The following GABRA4 variants were observed in gnomAD, a reference collection of about 807,000 sequenced individuals.
The protein encoded by GABRA4 is gamma-aminobutyric acid type A receptor subunit alpha4.
A neutral mutation model predicts 49.7 loss-of-function variants in GABRA4; 12 were observed. That is an observed-to-expected ratio of 0.24 (90% CI 0.15 to 0.39). The LOEUF is 0.39. GABRA4 is among the 10% of genes least tolerant of loss of function. The pLI is 1.00. For missense variants in GABRA4, 506 were observed against 686.0 expected (o/e 0.74, Z 2.93); for synonymous variants, 288 against 240.2 (o/e 1.20, Z -1.84).
At chr4:46,931,440 G>A (rs1362892375) in intron 8 of GABRA4, among the ~76,000 whole-genome samples, 2 of 152,032 alleles carry the variant, frequency 1.3e-5, no homozygotes, top group Admixed American at 6.6e-5. Context: ...AAGTTCTTTC[G>A]TTCTAGACCA....
chr4:46,945,167 G>A (rs1238489489), intron 8 of GABRA4, among the ~76,000 whole-genome samples: 2 of 152,072 alleles, frequency 1.3e-5, no homozygotes, highest in African/African-American at 4.8e-5. Context: ...TACTTCCTGG[G>A]CCATGATAGT....
At chr4:46,969,774 T>A (rs1054445992) in intron 7 of GABRA4, among the ~76,000 whole-genome samples, 6 of 151,458 alleles carry the variant, frequency 4.0e-5, no homozygotes, top group Admixed American at 2.0e-4. Flanking sequence ...AAACCTAGAC[T>A]TGCTGACACC....
At chr4:46,975,897 T>C (rs1038184956) in intron 5 of GABRA4, among the ~76,000 whole-genome samples, 1 of 152,004 alleles carries the variant, frequency 6.6e-6, no homozygotes, top group African/African-American at 2.4e-5. Flanking sequence ...TAATACTCTC[T>C]GGCTTCAAGT....
chr4:46,985,222 C>G (rs756774659), intron 2 of GABRA4, among the ~76,000 whole-genome samples: 4 of 151,898 alleles, frequency 2.6e-5, no homozygotes, highest in African/African-American at 4.8e-5. Flanking sequence ...AAAATAAAGA[C>G]AGTCAACCTA....
chr4:46,978,914 G>A (rs1041050035), intron 3 of GABRA4, 117 bp downstream of exon 3: 3 of 707,882 alleles, frequency 4.2e-6, no homozygotes, highest in Non-Finnish European at 7.6e-6. Flanking sequence ...AGTTTAATTA[G>A]GGATTCTTTA....
chr4:46,941,638 G>A (rs1033022556), intron 8 of GABRA4, among the ~76,000 whole-genome samples: 4 of 151,926 alleles, frequency 2.6e-5, no homozygotes, highest in South Asian at 4.1e-4. Context: ...TTTTTCAACC[G>A]AACTAAATGA....
At chr4:46,959,852 ATG>A (rs1722509776) in intron 8 of GABRA4, among the ~76,000 whole-genome samples, 2 of 139,884 alleles carry the variant, frequency 1.4e-5, no homozygotes, top group Non-Finnish European at 1.6e-5. Context: ...GTGTGTGTGT[ATG>A]TGTGTGTGTG....
Position 46,928,068 on chromosome 4 carries a change from GAATT to G in GABRA4, c.*153_*156del, listed in dbSNP as rs1451308162. On this transcript the variant is annotated 3_prime_UTR_variant, in exon 9 of 9. Coordinates refer to ENST00000264318, the MANE Select transcript of GABRA4 (RefSeq NM_000809.4). ...AAACATAGTTCACTTTTTCACTCAGGAATTAATTAACTCTCCCAATAACTGGCTT... is the reference window on the plus strand; with the variant it reads ...AAACATAGTTCACTTTTTCACTCAGGAATTAACTCTCCCAATAACTGGCTT... 4 of 610,690 alleles carry G rather than the reference GAATT, an allele frequency of 6.5e-6. No homozygotes were observed. The highest frequency in any genetic ancestry group is 5.7e-5 in the African/African-American group (3 of 53,000). 37.8% of individuals were successfully genotyped at this position (610,690 alleles called of 1,614,324 possible).
In GABRA4 at chr4:46,965,053, C is replaced by T. The variant is rs182887885; in HGVS notation, c.1051G>A (p.Ala351Thr). Residue 351 changes from alanine (A) to threonine (T), a missense_variant, in exon 8 of 9, where the codon GCC becomes ACC. By Grantham distance (58) the Ala-to-Thr change is moderately conservative (BLOSUM62 0). Transcript: ENST00000264318. ...GGGGGCTTTGATGTCTTCCTTTTGG[C>T]TTTTTCCATTTGAATATTGGTGAAA... ...NYFTNIQMEK[A>T]KRKTSKPPQE... 268 of 1,612,008 alleles carry T rather than the reference C, an allele frequency of 1.7e-4. No homozygotes were observed. In the East Asian group the frequency reaches 4.4e-3, roughly 26 times the overall value.
At chr4:46,939,777 A>C (rs867039334) in intron 8 of GABRA4, among the ~76,000 whole-genome samples, 3 of 151,990 alleles carry the variant, frequency 2.0e-5, no homozygotes, top group Non-Finnish European at 2.9e-5. Flanking sequence ...TGTATCTCAC[A>C]AAAAATTTTC....
chr4:46,921,957 G>A lies in GABRA4; in HGVS notation c.*6268C>T, dbSNP rs1721049597. 1 of 152,002 alleles carries A rather than the reference G, an allele frequency of 6.6e-6. No individual in the cohort carries two copies. Among genetic ancestry groups the A allele is most frequent in the African/African-American group, 2.4e-5 (1 of 41,394 alleles). 9.4% of individuals were successfully genotyped at this position (152,002 alleles called of 1,614,324 possible). A position where few individuals can be genotyped will look rare whatever the true frequency, so the allele number is the denominator to read the frequency against. On this transcript the variant is annotated 3_prime_UTR_variant, in exon 9 of 9. Coordinates refer to ENST00000264318, the MANE Select transcript of GABRA4 (RefSeq NM_000809.4). ...TCAATAAGTATCATTATCCTGCGAT[G>A]TTTCAAACAAAGATGGTTTGTTTGA...
At chr4:46,933,357 A>T (rs1320418612) in intron 8 of GABRA4, among the ~76,000 whole-genome samples, 1 of 152,140 alleles carries the variant, frequency 6.6e-6, no homozygotes, top group Non-Finnish European at 1.5e-5. Context: ...TTTCTATGGG[A>T]CACATCTTTA....
chr4:46,954,008 T>G (rs1297518322), intron 8 of GABRA4, among the ~76,000 whole-genome samples: 1 of 151,930 alleles, frequency 6.6e-6, no homozygotes, highest in South Asian at 2.1e-4. Flanking sequence ...GACCTTTCTG[T>G]GCCTCAATTT....
chr4:46,963,065 G>C (rs6856763), intron 8 of GABRA4, among the ~76,000 whole-genome samples: 14,893 of 151,704 alleles, frequency 0.098, 855 homozygotes, highest in South Asian at 0.24. Context: ...TACCTTAGAA[G>C]CATGGCAACC....
chr4:46,935,653 A>G (rs886788014), intron 8 of GABRA4, among the ~76,000 whole-genome samples: 2 of 151,802 alleles, frequency 1.3e-5, no homozygotes, highest in African/African-American at 4.8e-5. Flanking sequence ...GGAACATCAT[A>G]CACTAGGGCC....
intron 8 of GABRA4, among the ~76,000 whole-genome samples, chr4:46,956,457 T>C (rs904078046): frequency 6.6e-6 from 1 of 152,088 alleles, no homozygotes; most frequent in Non-Finnish European, 1.5e-5. Context: ...TTATATACCC[T>C]TTAGGAATGG....
intron 8 of GABRA4, among the ~76,000 whole-genome samples, chr4:46,929,670 C>A (rs1389881534): frequency 6.6e-6 from 1 of 152,082 alleles, no homozygotes. Context: ...AGTAATTTCT[C>A]AGATGTTCCC....
At chr4:46,951,124 A>C (rs1437451587) in intron 8 of GABRA4, among the ~76,000 whole-genome samples, 1 of 152,000 alleles carries the variant, frequency 6.6e-6, no homozygotes, top group Non-Finnish European at 1.5e-5. Context: ...GTTCCAAAGA[A>C]ATTAGGTCGT....
chr4:46,937,651 T>C (rs557469539), intron 8 of GABRA4, among the ~76,000 whole-genome samples: 3 of 152,320 alleles, frequency 2.0e-5, no homozygotes, highest in South Asian at 2.1e-4. Context: ...ATATTTTTAC[T>C]TGTGGTTGAT....
Sources: allele counts gnomAD v4.1 joint callset (sites outside exome capture counted in the v4.1 genomes callset), GRCh38; gene constraint gnomAD v4.1.1; transcripts MANE v1.5; gene names NCBI Gene and HGNC (gene_info 2026-07-23, HGNC 2026-07-21).